The following ERBB4 variants were observed in gnomAD, a reference collection of about 807,000 sequenced individuals.
The protein encoded by ERBB4 is erb-b2 receptor tyrosine kinase 4.
Under a neutral mutation model 158.0 loss-of-function variants are expected in ERBB4, and 42 were observed. The observed-to-expected ratio is 0.27, with a 90% confidence interval of 0.21 to 0.34. The LOEUF (loss-of-function observed/expected upper bound fraction) is 0.34, where lower values mean the gene tolerates loss of function less well. Ranked by LOEUF, ERBB4 falls within the 10% of genes least tolerant of loss-of-function variation. The pLI is 1.00. For synonymous variants in ERBB4, 583 were observed against 558.7 expected (o/e 1.04, Z -0.61); for missense variants, 1,333 against 1,624.1 (o/e 0.82, Z 3.08).
intron 19 of ERBB4, among the ~76,000 whole-genome samples, chr2:211,586,254 G>A (rs1256853025): frequency 6.6e-6 from 1 of 151,774 alleles, no homozygotes; most frequent in Non-Finnish European, 1.5e-5. Flanking sequence ...TGACAAACAA[G>A]AAAAATATTT....
At chr2:211,655,787 A>T (rs1295231506) in intron 16 of ERBB4, among the ~76,000 whole-genome samples, 1 of 151,988 alleles carries the variant, frequency 6.6e-6, no homozygotes, top group African/African-American at 2.4e-5. Flanking sequence ...CCTCTCTCTA[A>T]TTTTTTCATA....
intron 3 of ERBB4, among the ~76,000 whole-genome samples, chr2:211,841,224 T>C (rs2077462580): frequency 6.6e-6 from 1 of 152,118 alleles, no homozygotes; most frequent in South Asian, 2.1e-4. Context: ...TGTGCTCTTA[T>C]TAGTTTCCAA....
chr2:211,382,636 G>A lies in ERBB4; in HGVS notation c.*979C>T, dbSNP rs533378252. The A allele has an allele frequency of 4.3e-6, 1 of 232,780 alleles. No individual in the cohort carries two copies. Among genetic ancestry groups the A allele is most frequent in the East Asian group, 6.1e-5 (1 of 16,494 alleles). The allele number at this position is 232,780 out of a possible 1,614,324, so 14.4% of individuals were successfully genotyped here. A position where few individuals can be genotyped will look rare whatever the true frequency, so the allele number is the denominator to read the frequency against. The stretch of plus-strand genomic sequence containing the variant: ...TGGGCCACCCCTGAAAGTATCAGTA[G>A]TTTTCCTGAACCACAGAGAACTGTC... On this transcript the variant is annotated 3_prime_UTR_variant, in exon 28 of 28. Coordinates refer to ENST00000342788, the MANE Select transcript of ERBB4 (RefSeq NM_005235.3).
intron 19 of ERBB4, 58 bp downstream of exon 19, chr2:211,619,119 T>A: frequency 9.7e-7 from 1 of 1,026,104 alleles, no homozygotes; most frequent in Non-Finnish European, 1.6e-6. Context: ...GCTTTAATTA[T>A]CTAAGCAGGC....
At chr2:211,776,371 A>G (rs2075876499) in intron 4 of ERBB4, among the ~76,000 whole-genome samples, 1 of 152,150 alleles carries the variant, frequency 6.6e-6, no homozygotes, top group African/African-American at 2.4e-5. Context: ...GTTTATTACT[A>G]AAGATTTATC....
intron 2 of ERBB4, among the ~76,000 whole-genome samples, chr2:212,046,840 A>C (rs536337530): frequency 6.6e-6 from 1 of 152,276 alleles, no homozygotes; most frequent in African/African-American, 2.4e-5. Context: ...CCAAAAGTTC[A>C]AGGTAAATTA....
chr2:211,752,416 ATGATT>A (rs1453071020), intron 4 of ERBB4, among the ~76,000 whole-genome samples: 5 of 151,238 alleles, frequency 3.3e-5, no homozygotes, highest in Non-Finnish European at 7.4e-5. Context: ...CATTTAATCT[ATGATT>A]TATTTAATTA....
intron 9 of ERBB4, among the ~76,000 whole-genome samples, chr2:211,706,021 A>C (rs1386864157): frequency 6.6e-6 from 1 of 152,150 alleles, no homozygotes; most frequent in Non-Finnish European, 1.5e-5. Flanking sequence ...TTCGCTTCCA[A>C]GTATATGAAT....
intron 2 of ERBB4, among the ~76,000 whole-genome samples, chr2:212,011,186 G>A (rs1474091047): frequency 6.6e-6 from 1 of 152,098 alleles, no homozygotes; most frequent in Non-Finnish European, 1.5e-5. Flanking sequence ...GTAAAGACAG[G>A]CATAAAAAAT....
chr2:211,437,848 A>T (rs13005841), intron 20 of ERBB4, among the ~76,000 whole-genome samples: 33,494 of 151,808 alleles, frequency 0.22, 4,520 homozygotes, highest in East Asian at 0.3. Flanking sequence ...CTTTTTTTCT[A>T]CCTTTCCTTC....
chr2:212,130,749 T>C (rs938714109), intron 1 of ERBB4, among the ~76,000 whole-genome samples: 2 of 152,278 alleles, frequency 1.3e-5, no homozygotes, highest in Non-Finnish European at 2.9e-5. Flanking sequence ...CCAAATGTCA[T>C]GAAAAAATAA....
At chr2:212,236,282 A>G (rs184410714) in intron 1 of ERBB4, among the ~76,000 whole-genome samples, 1 of 152,308 alleles carries the variant, frequency 6.6e-6, no homozygotes, top group African/African-American at 2.4e-5. Context: ...TGATTTGCGT[A>G]TGTTGAACCA....
chr2:212,367,016 T>C (rs12694278), intron 1 of ERBB4, among the ~76,000 whole-genome samples: 25,706 of 151,664 alleles, frequency 0.17, 2,492 homozygotes, highest in South Asian at 0.25. Context: ...GGTAATAAGG[T>C]CAGAAGAGTG....
chr2:211,849,739 C>T (rs1172576200), intron 3 of ERBB4, among the ~76,000 whole-genome samples: 1 of 151,954 alleles, frequency 6.6e-6, no homozygotes, highest in Non-Finnish European at 1.5e-5. Context: ...TAAAACCATA[C>T]ATAGCCACTG....
intron 20 of ERBB4, among the ~76,000 whole-genome samples, chr2:211,491,423 CA>C (rs1465171881): frequency 6.6e-6 from 1 of 151,986 alleles, no homozygotes; most frequent in African/African-American, 2.4e-5. Flanking sequence ...TTGAACATTA[CA>C]AATGGACATC....
At chr2:212,429,044 G>C (rs921566906) in intron 1 of ERBB4, 1 of 152,148 alleles carries the variant, frequency 6.6e-6, no homozygotes, top group African/African-American at 2.4e-5. Context: ...GCAATGTAAA[G>C]GAATTACTAG....
At chr2:212,013,058 C>CTTT (rs775918426) in intron 2 of ERBB4, among the ~76,000 whole-genome samples, 4 of 139,710 alleles carry the variant, frequency 2.9e-5, no homozygotes, top group African/African-American at 5.2e-5. Context: ...AAATACTTTC[C>CTTT]TTTTTTTTTT....
At chr2:211,760,971 C>T (rs748442106) in intron 4 of ERBB4, among the ~76,000 whole-genome samples, 3 of 151,830 alleles carry the variant, frequency 2.0e-5, no homozygotes, top group African/African-American at 4.8e-5. Context: ...TTTGGGAGGC[C>T]GAGGAAGGCG....
intron 4 of ERBB4, among the ~76,000 whole-genome samples, chr2:211,771,319 A>C (rs1268629014): frequency 6.6e-6 from 1 of 152,164 alleles, no homozygotes; most frequent in African/African-American, 2.4e-5. Context: ...TTTTCTTCCA[A>C]CAAGCTATGG....
Sources: allele counts gnomAD v4.1 joint callset (sites outside exome capture counted in the v4.1 genomes callset), GRCh38; gene constraint gnomAD v4.1.1; transcripts MANE v1.5; gene names NCBI Gene and HGNC (gene_info 2026-07-23, HGNC 2026-07-21).